DIXDC1: variants seen among roughly 807,000 people sequenced by gnomAD.
DIXDC1 encodes dixin.
Under a neutral mutation model 103.1 loss-of-function variants are expected in DIXDC1, and 64 were observed. The observed-to-expected ratio is 0.62, with a 90% confidence interval of 0.51 to 0.76. DIXDC1 has a LOEUF of 0.76. Ranked by LOEUF, DIXDC1 falls within the 30% of genes least tolerant of loss-of-function variation. The pLI is 0.00. For synonymous variants in DIXDC1, 266 were observed against 298.5 expected (o/e 0.89, Z 1.12); for missense variants, 759 against 834.2 (o/e 0.91, Z 1.11).
chr11:111,994,428 T>A (rs782270850), intron 14 of DIXDC1, among the ~76,000 whole-genome samples: 12 of 151,736 alleles, frequency 7.9e-5, no homozygotes, highest in African/African-American at 2.4e-4. Context: ...TACATACATA[T>A]ATATACACTC....
At chr11:112,008,177 G>C (rs1286653773) in intron 17 of DIXDC1, among the ~76,000 whole-genome samples, 1 of 149,762 alleles carries the variant, frequency 6.7e-6, no homozygotes, top group East Asian at 1.9e-4. Flanking sequence ...CCTACTCTCT[G>C]ATAAAACAGA....
chr11:111,941,394 A>G (rs1171952542), intron 1 of DIXDC1, among the ~76,000 whole-genome samples: 1 of 152,106 alleles, frequency 6.6e-6, no homozygotes, highest in Non-Finnish European at 1.5e-5. Flanking sequence ...TTGACAGGAA[A>G]TCACTTGTCC....
chr11:112,007,356 G>T (rs56379440), intron 17 of DIXDC1, among the ~76,000 whole-genome samples: 18 of 152,198 alleles, frequency 1.2e-4, no homozygotes, highest in Non-Finnish European at 2.5e-4. Context: ...GTGACAGGGA[G>T]AATGGAACCA....
In DIXDC1 at chr11:111,977,675, C is replaced by T; in HGVS notation, c.656+2692C>T. The T allele has an allele frequency of 6.5e-7, 1 of 1,546,144 alleles. No individual in the cohort carries two copies. The highest frequency in any genetic ancestry group is 8.7e-7 in the Non-Finnish European group (1 of 1,144,320). On this transcript the variant is annotated intron_variant, in intron 5 of 19. Coordinates refer to ENST00000440460, the MANE Select transcript of DIXDC1 (RefSeq NM_001037954.4). The surrounding 1 kb of genome is among the most constrained non-coding windows in gnomAD (Gnocchi z 6.1). ...GTGGAGGCGTTTTCCAGCCCCAGCG[C>T]GGGGAGACATGCCTGAATTTGGGAG... is the stretch of plus-strand genomic sequence containing the variant.
chr11:112,004,240 G>C (rs1308607595), intron 17 of DIXDC1, among the ~76,000 whole-genome samples: 3 of 151,976 alleles, frequency 2.0e-5, no homozygotes, highest in Non-Finnish European at 4.4e-5. Context: ...TGTGGGGATA[G>C]AGTCTAAAGA....
At chr11:111,929,675 C>A in intron 1 of DIXDC1, 2 of 476,270 alleles carry the variant, frequency 4.2e-6, no homozygotes, top group Non-Finnish European at 7.4e-6. Context: ...TTCCTGCTAA[C>A]TAGGGTCCTA....
chr11:111,934,312 C>T (rs587624644), upstream of DIXDC1, among the ~76,000 whole-genome samples: 1 of 152,270 alleles, frequency 6.6e-6, no homozygotes, highest in East Asian at 1.9e-4. Context: ...ATTTGGGTAG[C>T]TTTTAGTTTG....
chr11:111,944,954 T>G (rs587614507), intron 1 of DIXDC1, among the ~76,000 whole-genome samples: 13 of 152,362 alleles, frequency 8.5e-5, no homozygotes, highest in Non-Finnish European at 1.6e-4. Context: ...ACACACGTAG[T>G]ATGTACCAAC....
At position 111,982,344 on chromosome 11, in the gene DIXDC1, A is replaced by T. The variant is rs1163637383; in HGVS notation, c.775A>T (p.Thr259Ser). 1.9e-6 allele frequency: 3 copies of T among 1,612,706 alleles called. No individual in the cohort carries two copies. The African/African-American group carries it at 4.0e-5, about 22-fold the overall frequency. ...TCCCTCTTTTCATTTTTTAGAAGGG[A>T]CAGATTCTCCATTATCTCGAGACTG... Reference protein sequence around the residue: ...AEGIENRTEGTDSPLSRDWRP... With the variant: ...AEGIENRTEGSDSPLSRDWRP... Residue 259 changes from threonine to serine, a missense_variant, in exon 7 of 20, where the codon ACA becomes TCA. Around this residue, in one of 3 missense-constraint regions of DIXDC1, gnomAD observed 657 missense variants for 727.5 expected, o/e 0.90. Transcript: ENST00000440460.
intron 1 of DIXDC1, among the ~76,000 whole-genome samples, chr11:111,955,339 CAAA>C (rs869169346): frequency 0.03 from 1,479 of 49,782 alleles, 18 homozygotes; most frequent in African/African-American, 0.078. Context: ...GAGACCCTGT[CAAA>C]AAAAAAAAAA....
At chr11:112,015,799 CTTTTTT>C (rs782121271) in intron 17 of DIXDC1, among the ~76,000 whole-genome samples, 4 of 47,034 alleles carry the variant, frequency 8.5e-5, no homozygotes, top group Admixed American at 3.8e-4. Context: ...GAGACCCTGT[CTTTTTT>C]TTTTTTTTTT....
intron 17 of DIXDC1, among the ~76,000 whole-genome samples, chr11:112,005,084 G>A (rs1181930935): frequency 2.0e-5 from 3 of 152,152 alleles, no homozygotes; most frequent in Non-Finnish European, 4.4e-5. Flanking sequence ...GGAATTTAAA[G>A]TAACTGATTC....
At chr11:112,005,016 G>A (rs1010344175) in intron 17 of DIXDC1, among the ~76,000 whole-genome samples, 7 of 152,174 alleles carry the variant, frequency 4.6e-5, no homozygotes, top group African/African-American at 1.2e-4. Flanking sequence ...TGTGAAGAGC[G>A]AAAGCAGTCA....
intron 1 of DIXDC1, 52 bp from the exon 2 acceptor site, chr11:111,964,497 G>A: frequency 1.3e-6 from 2 of 1,552,772 alleles, no homozygotes; most frequent in Non-Finnish European, 1.7e-6. Context: ...TATGAGGTAA[G>A]GGTTGAGATT....
chr11:111,957,004 A>C lies in DIXDC1; in HGVS notation c.61-7545A>C, dbSNP rs184293154. On this transcript the variant is annotated intron_variant, in intron 1 of 19. Transcript: ENST00000440460. ...CAACATAGTGAGACTCTGTCTCTAT[A>C]AAAAAAATAATAATAATAATTAGCT... Among the ~76,000 whole-genome samples the C allele has an allele frequency of 7.2e-4, 104 of 143,612 alleles. No homozygotes were observed. The East Asian group carries it at 0.018, about 25-fold the overall frequency. 94.2% of individuals were successfully genotyped at this position (143,612 alleles called of 152,430 possible).
intron 2 of DIXDC1, among the ~76,000 whole-genome samples, chr11:111,930,328 A>G (rs986859388): frequency 6.6e-6 from 1 of 151,838 alleles, no homozygotes; most frequent in African/African-American, 2.4e-5. Context: ...ATATATACAT[A>G]TATATATAGT....
At chr11:111,975,645 A>C in intron 5 of DIXDC1, 3 of 985,696 alleles carry the variant, frequency 3.0e-6, no homozygotes, top group Non-Finnish European at 2.4e-6. Flanking sequence ...CACTCCCCAG[A>C]TCATGTTTTT....
chr11:111,984,125 T>G (rs782316568), intron 7 of DIXDC1, among the ~76,000 whole-genome samples: 5 of 152,230 alleles, frequency 3.3e-5, no homozygotes, highest in Non-Finnish European at 7.3e-5. Flanking sequence ...CATTTTTCAG[T>G]CTTTCACTGA....
intron 3 of DIXDC1, among the ~76,000 whole-genome samples, chr11:111,971,750 ATATC>A (rs1859941604): frequency 6.6e-6 from 1 of 151,474 alleles, no homozygotes; most frequent in Admixed American, 6.6e-5. Flanking sequence ...ATCTATATCT[ATATC>A]TATATCTATA....
Sources: allele counts gnomAD v4.1 joint callset (sites outside exome capture counted in the v4.1 genomes callset), GRCh38; gene constraint gnomAD v4.1.1; regional missense constraint gnomAD v4.1.1; non-coding constraint Gnocchi (gnomAD v3.1); transcripts MANE v1.5; gene names NCBI Gene and HGNC (gene_info 2026-07-23, HGNC 2026-07-21).